AUTS2: variants seen among roughly 807,000 people sequenced by gnomAD.
AUTS2 encodes the protein autism susceptibility gene 2 protein.
Under a neutral mutation model 112.4 loss-of-function variants are expected in AUTS2, and 17 were observed. That is an observed-to-expected ratio of 0.15 (90% confidence interval 0.10 to 0.23). The LOEUF (loss-of-function observed/expected upper bound fraction) is 0.23, where lower values mean the gene tolerates loss of function less well. AUTS2 is among the 10% of genes least tolerant of loss of function. The probability of loss-of-function intolerance (pLI) is 1.00; values close to 1 mark genes in which losing one functional copy is unlikely to be tolerated. For missense variants in AUTS2, 1,510 were observed against 1,701.6 expected, an observed-to-expected ratio of 0.89 and a Z score of 1.98; for synonymous variants, 751 against 702.7, an observed-to-expected ratio of 1.07 and a Z score of -1.09.
intron 1 of AUTS2, among the ~76,000 whole-genome samples, chr7:69,716,988 G>A (rs563117080): frequency 1.3e-5 from 2 of 152,142 alleles, no homozygotes; most frequent in Non-Finnish European, 2.9e-5. Context: ...GAAACTGCAC[G>A]TGTTTAGCTC....
At position 70,459,068 on chromosome 7, in the gene AUTS2, G is replaced by A. The variant is rs563202712; in HGVS notation, c.690+23287G>A. On this transcript the variant is annotated intron_variant, in intron 5 of 18. Transcript: ENST00000342771. Reference sequence around the variant, plus strand: ...AGCTGTGGTTGTGTGGTTTCCCCGGGAGAGAGAACTAAGACTGAGTTTCAT... The same window carrying A: ...AGCTGTGGTTGTGTGGTTTCCCCGGAAGAGAGAACTAAGACTGAGTTTCAT... 7.5e-4 allele frequency among the ~76,000 whole-genome samples: 114 copies of A among 152,312 alleles called. 1 individual carries two copies. Among genetic ancestry groups the A allele is most frequent in the South Asian group, 1.7e-3 (8 of 4,818 alleles).
At chr7:70,140,045 T>C (rs1267053559) in intron 4 of AUTS2, among the ~76,000 whole-genome samples, 1 of 152,198 alleles carries the variant, frequency 6.6e-6, no homozygotes, top group Non-Finnish European at 1.5e-5. Context: ...AATTTAATAA[T>C]CCCAGTCTCA....
chr7:70,444,546 C>G (rs1169831831), intron 5 of AUTS2, among the ~76,000 whole-genome samples: 1 of 152,068 alleles, frequency 6.6e-6, no homozygotes, highest in Non-Finnish European at 1.5e-5. Flanking sequence ...AAGAAGTCCC[C>G]AGATTCAACA....
chr7:70,562,634 A>G (rs1176914453), intron 5 of AUTS2, among the ~76,000 whole-genome samples: 1 of 152,224 alleles, frequency 6.6e-6, no homozygotes, highest in Non-Finnish European at 1.5e-5. Flanking sequence ...GATTGTCACC[A>G]GGAACCCCTT....
intron 1 of AUTS2, among the ~76,000 whole-genome samples, chr7:69,823,563 G>T (rs545583458): frequency 1.3e-5 from 2 of 152,272 alleles, no homozygotes; most frequent in Admixed American, 6.5e-5. Flanking sequence ...CAGCTTACTC[G>T]TTTGTGTACT....
chr7:70,739,788 G>T, intron 6 of AUTS2, among the ~76,000 whole-genome samples: 1 of 139,892 alleles, frequency 7.1e-6, no homozygotes, highest in Non-Finnish European at 1.5e-5. Context: ...TTCTGTCTTT[G>T]GGCAGCTCTA....
At chr7:69,642,759 C>A (rs1390900576) in intron 1 of AUTS2, among the ~76,000 whole-genome samples, 1 of 152,110 alleles carries the variant, frequency 6.6e-6, no homozygotes, top group Non-Finnish European at 1.5e-5. Context: ...CTCACACAGT[C>A]TCAGGCAATT....
At chr7:70,704,134 A>T (rs552356823) in intron 6 of AUTS2, among the ~76,000 whole-genome samples, 1 of 152,350 alleles carries the variant, frequency 6.6e-6, no homozygotes, top group East Asian at 1.9e-4. Context: ...TCCATGTTGC[A>T]TGAAAGTGTC....
intron 6 of AUTS2, among the ~76,000 whole-genome samples, chr7:70,731,550 C>T (rs1787394448): frequency 6.6e-6 from 1 of 150,986 alleles, no homozygotes; most frequent in Non-Finnish European, 1.5e-5. Flanking sequence ...CTGCCTCAGC[C>T]TCCTGAGTAG....
intron 2 of AUTS2, among the ~76,000 whole-genome samples, chr7:70,072,598 G>A (rs968034700): frequency 1.3e-5 from 2 of 152,192 alleles, no homozygotes; most frequent in African/African-American, 4.8e-5. Context: ...ACAGTAGAGA[G>A]GATTCTATCT....
intron 11 of AUTS2, among the ~76,000 whole-genome samples, chr7:70,772,599 A>G (rs6947003): frequency 0.33 from 50,411 of 152,102 alleles, 8,892 homozygotes; most frequent in East Asian, 0.65. Flanking sequence ...GGATAAGCAC[A>G]TAACTGCATT....
At chr7:70,616,410 C>T (rs1288794310) in intron 5 of AUTS2, among the ~76,000 whole-genome samples, 1 of 152,212 alleles carries the variant, frequency 6.6e-6, no homozygotes, top group Non-Finnish European at 1.5e-5. Context: ...GCTCTTCTCC[C>T]TGGCTGAGTG....
chr7:70,189,477 C>T (rs778242749), intron 4 of AUTS2, among the ~76,000 whole-genome samples: 6 of 152,200 alleles, frequency 3.9e-5, no homozygotes, highest in Admixed American at 1.3e-4. Flanking sequence ...ATACATATTT[C>T]ATGAGTAAGC....
At chr7:70,719,751 C>T (rs187508496) in intron 6 of AUTS2, among the ~76,000 whole-genome samples, 4 of 152,202 alleles carry the variant, frequency 2.6e-5, no homozygotes, top group East Asian at 3.9e-4. Flanking sequence ...CGTGAACCAC[C>T]GCACCCGGCC....
intron 1 of AUTS2, among the ~76,000 whole-genome samples, chr7:69,666,692 A>G (rs1208732654): frequency 2.0e-5 from 3 of 152,142 alleles, no homozygotes; most frequent in African/African-American, 7.2e-5. Flanking sequence ...GCTTGAGCTC[A>G]GGAGTTCCAG....
chr7:70,442,264 C>T (rs762619048), intron 5 of AUTS2, among the ~76,000 whole-genome samples: 13 of 152,036 alleles, frequency 8.6e-5, no homozygotes, highest in African/African-American at 2.2e-4. Flanking sequence ...CATCTCCAAA[C>T]GGAGGGGATA....
rs201634247 is a variant in AUTS2, at chr7:70,343,187, TTATGA to T, written c.661-92561_661-92557del. Among the ~76,000 whole-genome samples the T allele has an allele frequency of 2.2e-3, 342 of 152,344 alleles. 6 individuals carry two copies. The East Asian group carries it at 0.044, about 20-fold the overall frequency. On this transcript the variant is annotated intron_variant, in intron 4 of 18. Coordinates refer to ENST00000342771, the MANE Select transcript of AUTS2 (RefSeq NM_015570.4). ...TATTTGACAAATATTTTAGCTTTGC[TTATGA>T]TATTCACTTGCTCTGTCAGAACTCT...
chr7:69,863,968 C>T (rs1793106263), intron 1 of AUTS2, among the ~76,000 whole-genome samples: 1 of 152,212 alleles, frequency 6.6e-6, no homozygotes, highest in African/African-American at 2.4e-5. Context: ...GCCTTCCTGT[C>T]TCTCTGACAG....
At chr7:70,496,578 C>T (rs1798526596) in intron 5 of AUTS2, among the ~76,000 whole-genome samples, 1 of 130,810 alleles carries the variant, frequency 7.6e-6, no homozygotes, top group African/African-American at 2.9e-5. Context: ...CACACATGCA[C>T]ACGTCACATC....
Sources: allele counts gnomAD v4.1 joint callset (sites outside exome capture counted in the v4.1 genomes callset), GRCh38; gene constraint gnomAD v4.1.1; transcripts MANE v1.5; gene names NCBI Gene and HGNC (gene_info 2026-07-23, HGNC 2026-07-21).